Variants in DMD observed in about 807,000 individuals in gnomAD.
The protein encoded by DMD is mutant dystrophin.
Under a neutral mutation model 330.1 loss-of-function variants are expected in DMD, and 63 were observed. The observed-to-expected ratio is 0.19, with a 90% CI of 0.16 to 0.24. DMD has a LOEUF of 0.24. DMD is among the 10% of genes least tolerant of loss of function. DMD has a pLI of 1.00. For missense variants in DMD, 3,344 were observed against 2,684.1 expected, an observed-to-expected ratio of 1.25 and a Z score of -5.43; for synonymous variants, 1,223 against 959.8, an observed-to-expected ratio of 1.27 and a Z score of -5.07.
chrX:32,728,585 T>C lies in DMD; in HGVS notation c.650-29292A>G, dbSNP rs148836541. On this transcript the variant is annotated intron_variant, in intron 7 of 78. Coordinates refer to ENST00000357033, the MANE Select transcript of DMD (RefSeq NM_004006.3). ...TGTTAATATTCTAAAGTGAGTTAAA[T>C]TGTGTTAGCAACAAAGCTTGTCTTA... 6.9e-3 allele frequency among the ~76,000 whole-genome samples: 772 copies of C among 112,226 alleles called. 11 individuals are homozygous for C. Among genetic ancestry groups the C allele is most frequent in the African/African-American group, 0.024 (735 of 30,949 alleles).
At position 32,743,106 on chromosome X, in the gene DMD, C is replaced by T. The variant is rs61003747; in HGVS notation, c.650-43813G>A. ...CTTTGCCTACTGGAGTCTGTTCTTCCGGAGTGCATGCAATAGATCAAAAAT... is the reference window on the plus strand; with the variant it reads ...CTTTGCCTACTGGAGTCTGTTCTTCTGGAGTGCATGCAATAGATCAAAAAT... On this transcript the variant is annotated intron_variant, in intron 7 of 78. Coordinates refer to ENST00000357033, the MANE Select transcript of DMD (RefSeq NM_004006.3). Among the ~76,000 whole-genome samples, 362 of 111,241 alleles carry T rather than the reference C, an allele frequency of 3.3e-3. 1 individual carries two copies. The highest frequency in any genetic ancestry group is 0.011 in the East Asian group (37 of 3,496).
intron 4 of DMD, among the ~76,000 whole-genome samples, chrX:32,836,552 G>T (rs936728061): frequency 9.1e-6 from 1 of 110,191 alleles, no homozygotes; most frequent in African/African-American, 3.3e-5. Flanking sequence ...TTTATCTTTA[G>T]TTCCTGCTTT....
At chrX:31,225,046 T>G (rs1321623751) in intron 63 of DMD, among the ~76,000 whole-genome samples, 1 of 112,714 alleles carries the variant, frequency 8.9e-6, no homozygotes, top group Non-Finnish European at 1.9e-5. Context: ...TATATCTTGA[T>G]TGGCATGGTG....
intron 44 of DMD, among the ~76,000 whole-genome samples, chrX:32,001,974 T>G (rs1055130577): frequency 3.6e-5 from 4 of 111,697 alleles, no homozygotes; most frequent in African/African-American, 1.3e-4. Context: ...TGCAAAGAAA[T>G]GTAAGATTTC....
chrX:32,127,824 C>A (rs1248576238), intron 44 of DMD, among the ~76,000 whole-genome samples: 3 of 112,236 alleles, frequency 2.7e-5, no homozygotes, highest in African/African-American at 9.7e-5. Flanking sequence ...TCTAATTTTT[C>A]TTTCTCTTTA....
chrX:31,672,010 C>A (rs1313065840), intron 53 of DMD, among the ~76,000 whole-genome samples: 1 of 111,575 alleles, frequency 9.0e-6, no homozygotes, highest in Non-Finnish European at 1.9e-5. Context: ...GATTTCAGAT[C>A]TTTTTCCTTT....
chrX:32,558,945 T>TTTTTTTC (rs2050663395), intron 16 of DMD, among the ~76,000 whole-genome samples: 1 of 40,125 alleles, frequency 2.5e-5, no homozygotes, highest in African/African-American at 7.5e-5. Flanking sequence ...TTTCTTTTTT[T>TTTTTTTC]TTTTTTTTTT....
At chrX:31,477,857 ATCAAAG>A (rs2067917195) in intron 59 of DMD, among the ~76,000 whole-genome samples, 1 of 111,429 alleles carries the variant, frequency 9.0e-6, no homozygotes, top group African/African-American at 3.3e-5. Flanking sequence ...ATCACTTAAT[ATCAAAG>A]TCAAAGTGAT....
intron 9 of DMD, among the ~76,000 whole-genome samples, chrX:32,656,234 T>C (rs2060562219): frequency 9.0e-6 from 1 of 111,710 alleles, no homozygotes; most frequent in Admixed American, 9.6e-5. Flanking sequence ...CTCTTCTTCG[T>C]CCTCCCTCCT....
chrX:33,282,051 A>C (rs1260624229), intron 1 of DMD, among the ~76,000 whole-genome samples: 13 of 110,220 alleles, frequency 1.2e-4, no homozygotes, highest in Non-Finnish European at 2.3e-4. Flanking sequence ...TCATGGCCAT[A>C]GCGTCCAACG....
chrX:31,977,008 CTG>C (rs1328280242), intron 44 of DMD, among the ~76,000 whole-genome samples: 1 of 111,728 alleles, frequency 9.0e-6, no homozygotes, highest in African/African-American at 3.2e-5. Flanking sequence ...CTAGAAAATG[CTG>C]TGTTACAATA....
intron 18 of DMD, among the ~76,000 whole-genome samples, chrX:32,510,205 T>C (rs1473092454): frequency 1.8e-5 from 2 of 111,927 alleles, no homozygotes; most frequent in Non-Finnish European, 3.8e-5. Flanking sequence ...ATTCTTCTGC[T>C]GCTAAACATC....
intron 60 of DMD, among the ~76,000 whole-genome samples, chrX:31,392,035 A>G (rs2060707569): frequency 8.9e-6 from 1 of 112,203 alleles, no homozygotes; most frequent in Non-Finnish European, 1.9e-5. Flanking sequence ...CACACACAAA[A>G]AAAAGTTTAA....
At chrX:32,329,210 C>G (rs182047399) in intron 41 of DMD, among the ~76,000 whole-genome samples, 1 of 112,043 alleles carries the variant, frequency 8.9e-6, no homozygotes, top group African/African-American at 3.2e-5. Context: ...TTGCAGATTG[C>G]AGTAAATATT....
intron 3 of DMD, among the ~76,000 whole-genome samples, chrX:32,846,701 GA>G (rs1293273016): frequency 1.8e-5 from 1 of 56,706 alleles, no homozygotes; most frequent in Admixed American, 2.3e-4. Context: ...CCAAAAAGAG[GA>G]AAAAAATAAG....
intron 44 of DMD, among the ~76,000 whole-genome samples, chrX:31,998,920 G>T (rs1197729335): frequency 9.0e-6 from 1 of 111,579 alleles, no homozygotes; most frequent in Admixed American, 9.5e-5. Context: ...ATAAACATAA[G>T]GTCAGTAGGT....
intron 47 of DMD, among the ~76,000 whole-genome samples, chrX:31,895,409 G>A (rs938134922): frequency 8.9e-6 from 1 of 111,812 alleles, no homozygotes; most frequent in African/African-American, 3.2e-5. Flanking sequence ...ATAAGCAATC[G>A]ATACTTTTCA....
At chrX:31,493,914 CT>C (rs942493304) in intron 57 of DMD, among the ~76,000 whole-genome samples, 5 of 111,100 alleles carry the variant, frequency 4.5e-5, no homozygotes, top group African/African-American at 1.6e-4. Flanking sequence ...AATCCCAGCA[CT>C]TTGGGAGGCC....
At chrX:31,568,409 A>G (rs754480084) in intron 55 of DMD, among the ~76,000 whole-genome samples, 65 of 111,043 alleles carry the variant, frequency 5.9e-4, no homozygotes, top group African/African-American at 2.0e-3. Flanking sequence ...TTTCAGCTCT[A>G]TTCATTTTTG....
Sources: allele counts gnomAD v4.1 joint callset (sites outside exome capture counted in the v4.1 genomes callset), GRCh38; gene constraint gnomAD v4.1.1; transcripts MANE v1.5; gene names NCBI Gene and HGNC (gene_info 2026-07-23, HGNC 2026-07-21).